The following ZNF821 variants were observed in gnomAD, a reference collection of about 807,000 sequenced individuals.
ZNF821 encodes zinc finger protein 821.
In ZNF821, 16 loss-of-function variants were observed where a neutral mutation model predicts 44.3. The observed-to-expected ratio is 0.36, with a 90% CI of 0.24 to 0.55. The LOEUF is 0.55. Ranked by LOEUF, ZNF821 falls within the 20% of genes least tolerant of loss-of-function variation. The pLI is 0.86. For missense variants in ZNF821, 436 were observed against 547.6 expected, an observed-to-expected ratio of 0.80 and a Z score of 2.03; for synonymous variants, 204 against 197.6, an observed-to-expected ratio of 1.03 and a Z score of -0.27.
intron 3 of ZNF821, among the ~76,000 whole-genome samples, chr16:71,879,375 C>G (rs532107766): frequency 6.6e-6 from 1 of 152,052 alleles, no homozygotes; most frequent in South Asian, 2.1e-4. Flanking sequence ...CTCTAAGGCC[C>G]AGTTCAGGCG....
At chr16:71,884,383 C>T (rs1435071044), upstream of ZNF821, among the ~76,000 whole-genome samples, 1 of 152,106 alleles carries the variant, frequency 6.6e-6, no homozygotes, top group Non-Finnish European at 1.5e-5. Context: ...TCCGGAACCC[C>T]CCGCCTCGCC....
At chr16:71,888,929 G>A (rs1327292234), upstream of ZNF821, among the ~76,000 whole-genome samples, 2 of 152,034 alleles carry the variant, frequency 1.3e-5, no homozygotes, top group Non-Finnish European at 2.9e-5. Context: ...AGTAAAACAG[G>A]GCTGGAAATT....
intron 3 of ZNF821, among the ~76,000 whole-genome samples, chr16:71,869,032 T>G (rs1025087425): frequency 1.3e-5 from 2 of 152,192 alleles, no homozygotes; most frequent in Non-Finnish European, 2.9e-5. Flanking sequence ...TTACTTCTCA[T>G]GAACTCTGCT....
At chr16:71,887,769 G>A (rs761528631), upstream of ZNF821, among the ~76,000 whole-genome samples, 1 of 151,984 alleles carries the variant, frequency 6.6e-6, no homozygotes, top group African/African-American at 2.4e-5. Context: ...TAATGACTAA[G>A]GATGTTGAAT....
chr16:71,879,515 T>C (rs946123943), intron 3 of ZNF821, among the ~76,000 whole-genome samples: 2 of 152,156 alleles, frequency 1.3e-5, no homozygotes, highest in South Asian at 2.1e-4. Flanking sequence ...TAGCATATAC[T>C]ATCATTCATA....
chr16:71,869,777 A>T (rs2034981017), intron 3 of ZNF821, among the ~76,000 whole-genome samples: 1 of 152,092 alleles, frequency 6.6e-6, no homozygotes, highest in African/African-American at 2.4e-5. Flanking sequence ...AGCTGGGACT[A>T]CAGGTGTGCA....
chr16:71,860,656 C>A lies in ZNF821; in HGVS notation c.601G>T (p.Val201Leu). The A allele has an allele frequency of 2.5e-6, 4 of 1,612,180 alleles. No homozygotes were observed. The highest frequency in any genetic ancestry group is 3.4e-6 in the Non-Finnish European group (4 of 1,178,842). The change falls in exon 8 of 8, where the codon GTA (valine) becomes TTA (leucine). Residue 201 changes from valine (V) to leucine (L), a missense_variant. Val to Leu is a conservative substitution (Grantham distance 32, BLOSUM62 1). Transcript: ENST00000425432. This position sits in a 1 kb window ranked among gnomAD's most constrained non-coding sequence, Gnocchi z 7.3. ...ATFNSEKLPE[V>L]LNMESLPTVH... The stretch of plus-strand genomic sequence containing the variant: ...GTGGGTAGGGATTCCATATTTAGTA[C>A]TTCAGGAAGTTTCTCACTGGAAAGG...
chr16:71,889,144 G>T (rs552455235), upstream of ZNF821, among the ~76,000 whole-genome samples: 1 of 152,128 alleles, frequency 6.6e-6, no homozygotes, highest in Non-Finnish European at 1.5e-5. Context: ...AGCTACTTAG[G>T]AGGATGAGAT....
chr16:71,878,274 GTTAA>G (rs2036060520), intron 3 of ZNF821, among the ~76,000 whole-genome samples: 1 of 151,696 alleles, frequency 6.6e-6, no homozygotes, highest in African/African-American at 2.4e-5. Context: ...ACCATGCCTG[GTTAA>G]TTTTTTTTGT....
chr16:71,883,314 G>T, intron 1 of ZNF821, 41 bp from the exon 2 acceptor site: 1 of 419,744 alleles, frequency 2.4e-6, no homozygotes, highest in Admixed American at 2.5e-5. Context: ...TCACTTAGCC[G>T]CCTGGCTGTT....
chr16:71,885,729 GCTC>G (rs2036827367), upstream of ZNF821, among the ~76,000 whole-genome samples: 3 of 152,126 alleles, frequency 2.0e-5, no homozygotes, highest in Non-Finnish European at 2.9e-5. Flanking sequence ...GTGATAAATA[GCTC>G]ATTCATCATT....
intron 5 of ZNF821, 42 bp downstream of exon 5, chr16:71,864,861 A>G: frequency 6.2e-7 from 1 of 1,611,364 alleles, no homozygotes; most frequent in Non-Finnish European, 8.5e-7. Context: ...GCAGAAGGGT[A>G]GGGCATTGCT....
intron 3 of ZNF821, among the ~76,000 whole-genome samples, chr16:71,868,517 A>G (rs1265461968): frequency 1.3e-5 from 2 of 152,008 alleles, no homozygotes; most frequent in Admixed American, 6.6e-5. Flanking sequence ...CTAAATAACA[A>G]TCTCTCTAAC....
At chr16:71,881,874 G>C (rs1406667169) in intron 2 of ZNF821, 1 of 152,410 alleles carries the variant, frequency 6.6e-6, no homozygotes, top group Non-Finnish European at 1.5e-5. Flanking sequence ...GGGAAGCTGA[G>C]GCATGAGAAT....
At chr16:71,894,870 A>G (rs1484820996) in intron 1 of ZNF821, 4 of 1,521,324 alleles carry the variant, frequency 2.6e-6, no homozygotes, top group Non-Finnish European at 3.5e-6. Flanking sequence ...TAACCAAGGA[A>G]AAAGTTTTCT....
intron 1 of ZNF821, among the ~76,000 whole-genome samples, chr16:71,893,135 C>T (rs1385225297): frequency 1.3e-5 from 2 of 148,738 alleles, no homozygotes; most frequent in East Asian, 4.1e-4. Flanking sequence ...CGCCATTCTC[C>T]TGCCTCAGCC....
intron 2 of ZNF821, among the ~76,000 whole-genome samples, chr16:71,880,655 G>T (rs1256810482): frequency 6.6e-6 from 1 of 152,234 alleles, no homozygotes; most frequent in Non-Finnish European, 1.5e-5. Flanking sequence ...AACTTCTAAT[G>T]TTGAAGATGG....
At chr16:71,884,638 C>A (rs2036772530), upstream of ZNF821, 1 of 152,202 alleles carries the variant, frequency 6.6e-6, no homozygotes, top group Non-Finnish European at 1.5e-5. Flanking sequence ...CTTCGGCTCC[C>A]GAGGCTTTGA....
chr16:71,878,897 C>T (rs1468778056), intron 3 of ZNF821, among the ~76,000 whole-genome samples: 1 of 149,814 alleles, frequency 6.7e-6, no homozygotes, highest in Non-Finnish European at 1.5e-5. Context: ...ACACTCCAGC[C>T]TGGGTGACAG....
Sources: gnomAD v4.1 joint callset for allele counts (sites outside exome capture counted in the v4.1 genomes callset) on GRCh38, gnomAD v4.1.1 for gene constraint, Gnocchi (gnomAD v3.1) non-coding constraint, MANE v1.5 for transcripts, NCBI Gene and HGNC (gene_info 2026-07-23, HGNC 2026-07-21) for gene names.